Variants in CAMTA1 observed in about 807,000 individuals in gnomAD.
CAMTA1 encodes the protein calmodulin-binding transcription activator 1.
Under a neutral mutation model 170.9 loss-of-function variants are expected in CAMTA1, and 27 were observed. The observed-to-expected ratio is 0.16, with a 90% CI of 0.12 to 0.22. The LOEUF is 0.22. Among genes scored for constraint, CAMTA1 ranks in the 10% least tolerant of loss-of-function variants. CAMTA1 has a pLI of 1.00. For synonymous variants in CAMTA1, 833 were observed against 891.5 expected, an observed-to-expected ratio of 0.93 and a Z score of 1.17; for missense variants, 1,619 against 2,217.2, an observed-to-expected ratio of 0.73 and a Z score of 5.42.
At chr1:7,445,919 A>T (rs74894155) in intron 5 of CAMTA1, among the ~76,000 whole-genome samples, 1,612 of 152,262 alleles carry the variant, frequency 0.011, 25 homozygotes, top group African/African-American at 0.037. Flanking sequence ...AGAGCCTGCG[A>T]GTCCAAAGAC....
intron 3 of CAMTA1, among the ~76,000 whole-genome samples, chr1:6,968,400 A>G (rs1691945198): frequency 6.6e-6 from 1 of 152,196 alleles, no homozygotes; most frequent in African/African-American, 2.4e-5. Context: ...AGATACCGCC[A>G]GAGTTCTCCT....
At chr1:7,753,802 T>C (rs565886988) in intron 21 of CAMTA1, among the ~76,000 whole-genome samples, 6 of 152,282 alleles carry the variant, frequency 3.9e-5, no homozygotes, top group African/African-American at 9.6e-5. Context: ...TCAGCAACAT[T>C]TACTTTCCAC....
intron 5 of CAMTA1, among the ~76,000 whole-genome samples, chr1:7,294,520 G>A (rs898648781): frequency 1.3e-5 from 2 of 152,112 alleles, no homozygotes; most frequent in East Asian, 1.9e-4. Context: ...CATATTCCTC[G>A]GTGAGACCAG....
intron 4 of CAMTA1, among the ~76,000 whole-genome samples, chr1:7,215,554 TG>T (rs1659607279): frequency 6.6e-6 from 1 of 152,106 alleles, no homozygotes; most frequent in Non-Finnish European, 1.5e-5. Flanking sequence ...CCACCACACC[TG>T]GCTAATTTTT....
intron 5 of CAMTA1, among the ~76,000 whole-genome samples, chr1:7,301,064 T>C (rs1001951937): frequency 2.0e-5 from 3 of 152,080 alleles, no homozygotes; most frequent in African/African-American, 7.2e-5. Context: ...ATGCAGAAAA[T>C]CTTCCATGGC....
chr1:7,157,357 A>AAAAAAAAAAGC (rs1646953384), intron 4 of CAMTA1, among the ~76,000 whole-genome samples: 1 of 139,772 alleles, frequency 7.2e-6, no homozygotes, highest in Admixed American at 7.5e-5. Context: ...AAAAAAAAAA[A>AAAAAAAAAAGC]AAAAAGCAGA....
Position 7,478,379 on chromosome 1 carries a change from T to C in CAMTA1, c.510+10478T>C, listed in dbSNP as rs146159540. Among the ~76,000 whole-genome samples, 32 of 152,230 alleles carry C rather than the reference T, an allele frequency of 2.1e-4. No individual in the cohort carries two copies. The East Asian group carries it at 5.8e-3, about 28-fold the overall frequency. The stretch of plus-strand genomic sequence containing the variant: ...TGCCTTCTGGCACTTGTCTCCTGTG[T>C]GCCACCCTCCCCGAGCCTCTCTGCT... On this transcript the variant is annotated intron_variant, in intron 6 of 22. Coordinates refer to ENST00000303635, the MANE Select transcript of CAMTA1 (RefSeq NM_015215.4).
intron 3 of CAMTA1, among the ~76,000 whole-genome samples, chr1:7,021,990 AG>A (rs1421307919): frequency 1.3e-5 from 2 of 152,124 alleles, no homozygotes; most frequent in Non-Finnish European, 2.9e-5. Context: ...AGACTCAGGG[AG>A]GGTAAGCAAA....
chr1:7,732,648 G>A lies in CAMTA1; in HGVS notation c.3066+49G>A, dbSNP rs900708366. 1 of 1,513,018 alleles carries A rather than the reference G, an allele frequency of 6.6e-7. No homozygotes were observed. 93.7% of individuals were successfully genotyped at this position (1,513,018 alleles called of 1,614,324 possible). A position where few individuals can be genotyped will look rare whatever the true frequency, so the allele number is the denominator to read the frequency against. ...GCTCCCATTTCGCTTCATGTTTATG[G>A]ATTGGCGAGGCAGTGGATGGATCAC... On this transcript the variant is annotated intron_variant, in intron 12 of 22. Transcript: ENST00000303635. The surrounding 1 kb of genome is among the most constrained non-coding windows in gnomAD (Gnocchi z 4.1).
chr1:6,981,887 C>T (rs1048004934), intron 3 of CAMTA1, among the ~76,000 whole-genome samples: 5 of 151,820 alleles, frequency 3.3e-5, no homozygotes, highest in Non-Finnish European at 7.4e-5. Context: ...CACCACCATG[C>T]CCCACTAATT....
At chr1:7,612,888 C>A (rs2095533183) in intron 6 of CAMTA1, among the ~76,000 whole-genome samples, 1 of 152,168 alleles carries the variant, frequency 6.6e-6, no homozygotes, top group Admixed American at 6.5e-5. Context: ...TCTGCAGAAA[C>A]AGATTCTGGG....
At chr1:7,192,651 T>A (rs1457522051) in intron 4 of CAMTA1, among the ~76,000 whole-genome samples, 1 of 152,170 alleles carries the variant, frequency 6.6e-6, no homozygotes, top group Non-Finnish European at 1.5e-5. Context: ...AGCCCCTGAG[T>A]GCACGCTGCC....
chr1:7,276,303 A>ATATATATATATATATATTTT, intron 5 of CAMTA1, among the ~76,000 whole-genome samples: 3 of 24,228 alleles, frequency 1.2e-4, no homozygotes, highest in Non-Finnish European at 1.2e-4. Flanking sequence ...ATATATATAT[A>ATATATATATATATATATTTT]TTTTTTTTTT....
At chr1:6,964,148 G>C (rs1369508058) in intron 3 of CAMTA1, among the ~76,000 whole-genome samples, 1 of 152,142 alleles carries the variant, frequency 6.6e-6, no homozygotes, top group Non-Finnish European at 1.5e-5. Flanking sequence ...GCAGTGTCTT[G>C]AGGATCTGGG....
At chr1:7,679,229 G>A (rs1291356630) in intron 11 of CAMTA1, among the ~76,000 whole-genome samples, 2 of 152,192 alleles carry the variant, frequency 1.3e-5, no homozygotes, top group African/African-American at 4.8e-5. Context: ...ATGGAGTCAG[G>A]AACTCTCCAG....
intron 6 of CAMTA1, among the ~76,000 whole-genome samples, chr1:7,486,257 G>A (rs1283706374): frequency 6.6e-6 from 1 of 152,188 alleles, no homozygotes; most frequent in East Asian, 1.9e-4. Flanking sequence ...GATTGGTAAC[G>A]TTTGCCAATT....
chr1:7,342,282 G>C (rs1044423447), intron 5 of CAMTA1, among the ~76,000 whole-genome samples: 28 of 152,252 alleles, frequency 1.8e-4, no homozygotes, highest in African/African-American at 4.3e-4. Context: ...GCAGAGCCCG[G>C]GGGTCCCCTG....
At position 7,090,530 on chromosome 1, in the gene CAMTA1, A is replaced by G. The variant is rs544833715; in HGVS notation, c.235-774A>G. 3.6e-4 allele frequency among the ~76,000 whole-genome samples: 55 copies of G among 152,198 alleles called. 1 individual carries two copies. Among genetic ancestry groups the G allele is most frequent in the Non-Finnish European group, 7.2e-4 (49 of 68,032 alleles). On this transcript the variant is annotated intron_variant, in intron 3 of 22. Transcript: ENST00000303635. Reference sequence around the variant, plus strand: ...AGCAGATCCTTTCGGAGGTGGAAGTAATGGGCCATATCATGCCTCGAGCTG... The same window carrying G: ...AGCAGATCCTTTCGGAGGTGGAAGTGATGGGCCATATCATGCCTCGAGCTG...
In CAMTA1 at chr1:6,810,281, TCTTTGGGCTGTTGGG is replaced by T. The variant is rs1016762288; in HGVS notation, c.46-9897_46-9883del. 3.3e-5 allele frequency among the ~76,000 whole-genome samples: 5 copies of T among 152,280 alleles called. No individual in the cohort carries two copies. In the Middle Eastern group the frequency reaches 0.01, roughly 311 times the overall value. Reference sequence around the variant, plus strand: ...CCCTTGGCCATTTGAAGGACTCCTTTCTTTGGGCTGTTGGGCTGAGGGCTCAGCTTTTCGCCAGCT... The same window carrying T: ...CCCTTGGCCATTTGAAGGACTCCTTTCTGAGGGCTCAGCTTTTCGCCAGCT... On this transcript the variant is annotated intron_variant, in intron 1 of 22. Transcript: ENST00000303635.
Sources: allele counts gnomAD v4.1 joint callset (sites outside exome capture counted in the v4.1 genomes callset), GRCh38; gene constraint gnomAD v4.1.1; non-coding constraint Gnocchi (gnomAD v3.1); transcripts MANE v1.5; gene names NCBI Gene and HGNC (gene_info 2026-07-23, HGNC 2026-07-21).